PPIP5K2: variants seen among roughly 807,000 people sequenced by gnomAD.
PPIP5K2 encodes the protein diphosphoinositol pentakisphosphate kinase 2.
Under a neutral mutation model 154.6 loss-of-function variants are expected in PPIP5K2, and 105 were observed. The observed-to-expected ratio is 0.68, with a 90% confidence interval of 0.58 to 0.80. The LOEUF (loss-of-function observed/expected upper bound fraction) is 0.80, where lower values mean the gene tolerates loss of function less well. Ranked by LOEUF, PPIP5K2 falls within the 30% of genes least tolerant of loss-of-function variation. PPIP5K2 has a pLI of 0.00. For synonymous variants in PPIP5K2, 480 were observed against 490.3 expected, an observed-to-expected ratio of 0.98 and a Z score of 0.28; for missense variants, 992 against 1,504.6, an observed-to-expected ratio of 0.66 and a Z score of 5.64.
At chr5:103,144,173 C>A (rs1793342779) in intron 5 of PPIP5K2, among the ~76,000 whole-genome samples, 4 of 151,604 alleles carry the variant, frequency 2.6e-5, no homozygotes. Context: ...AAAAAGTAAT[C>A]CCATTTACAA....
chr5:103,186,162 C>A (rs540685700), intron 26 of PPIP5K2, among the ~76,000 whole-genome samples, 158 bp from the exon 27 acceptor site: 1 of 152,140 alleles, frequency 6.6e-6, no homozygotes, highest in South Asian at 2.1e-4. Context: ...TTAAAACTGA[C>A]CTCATTAGGA....
At chr5:103,124,319 TC>T (rs1789282145) in intron 1 of PPIP5K2, among the ~76,000 whole-genome samples, 1 of 151,942 alleles carries the variant, frequency 6.6e-6, no homozygotes, top group Non-Finnish European at 1.5e-5. Context: ...ACGACATATA[TC>T]CTACTTAGGT....
intron 30 of PPIP5K2, among the ~76,000 whole-genome samples, chr5:103,199,310 A>G (rs181134656): frequency 1.3e-5 from 2 of 152,034 alleles, no homozygotes; most frequent in East Asian, 1.9e-4. Flanking sequence ...GTTTTTTAGC[A>G]TTTCTTAATC....
At chr5:103,146,500 T>A in intron 5 of PPIP5K2, 27 bp from the exon 6 acceptor site, 1 of 1,599,230 alleles carries the variant, frequency 6.3e-7, no homozygotes, top group Non-Finnish European at 8.5e-7. Context: ...ATATGTGATA[T>A]TTCTTGCAAT....
intron 17 of PPIP5K2, among the ~76,000 whole-genome samples, chr5:103,163,822 A>T (rs545235519): frequency 3.8e-4 from 58 of 152,004 alleles, no homozygotes; most frequent in African/African-American, 1.3e-3. Context: ...TCCATGTATG[A>T]TCTTTTTCTT....
At chr5:103,128,048 A>G (rs1554201339) in intron 1 of PPIP5K2, among the ~76,000 whole-genome samples, 1 of 152,168 alleles carries the variant, frequency 6.6e-6, no homozygotes, top group Non-Finnish European at 1.5e-5. Flanking sequence ...TTTTTAAATT[A>G]CAAATTATTT....
At position 103,129,473 on chromosome 5, in the gene PPIP5K2, C is replaced by T. The variant is rs1463562285; in HGVS notation, c.-117C>T. ...AAGTGATTGTATAAGCAGAAACAAG[C>T]TGTCACAGACCTGTGCGTCAGCTAA... On this transcript the variant is annotated 5_prime_UTR_variant, in exon 2 of 31. Transcript: ENST00000358359. 4.2e-6 allele frequency: 3 copies of T among 706,196 alleles called. No individual in the cohort carries two copies. Among genetic ancestry groups the T allele is most frequent in the South Asian group, 2.8e-5 (1 of 35,346 alleles). The allele number at this position is 706,196 out of a possible 1,614,324, so 43.7% of individuals were successfully genotyped here. A position where few individuals can be genotyped will look rare whatever the true frequency, so the allele number is the denominator to read the frequency against.
intron 24 of PPIP5K2, among the ~76,000 whole-genome samples, chr5:103,182,250 ATGTAT>A (rs782743765): frequency 3.9e-5 from 6 of 152,252 alleles, no homozygotes; most frequent in Admixed American, 1.3e-4. Context: ...ATACAGCAAA[ATGTAT>A]TGTAAGTCTT....
At position 103,211,756 on chromosome 5, in the gene PPIP5K2, T is replaced by A. The variant is rs897718621; in HGVS notation, c.*10122T>A. On this transcript the variant is annotated 3_prime_UTR_variant, in exon 31 of 31. Coordinates refer to ENST00000358359, the MANE Select transcript of PPIP5K2 (RefSeq NM_001276277.3). ...ACACTAAGCCCTGATGATACAAATA[T>A]GAAAAGTCCTGTTTCCAGGGAATTT... 5 of 152,062 alleles carry A rather than the reference T, an allele frequency of 3.3e-5. No individual in the cohort carries two copies. Among genetic ancestry groups the A allele is most frequent in the Admixed American group, 1.3e-4 (2 of 15,266 alleles). 9.4% of individuals were successfully genotyped at this position (152,062 alleles called of 1,614,324 possible).
rs1554230878 is a variant in PPIP5K2, at chr5:103,202,303, T to C, written c.*669T>C. On this transcript the variant is annotated 3_prime_UTR_variant, in exon 31 of 31. Coordinates refer to ENST00000358359, the MANE Select transcript of PPIP5K2 (RefSeq NM_001276277.3). ...ATTAATTTGTAGAAAATATTTTCTT[T>C]ATATATTTCCTTACCATACAAGGTG... is the stretch of plus-strand genomic sequence containing the variant. 6.6e-6 allele frequency: 1 copy of C among 152,576 alleles called. No individual in the cohort carries two copies. The highest frequency in any genetic ancestry group is 2.4e-5 in the African/African-American group (1 of 41,460). The allele number at this position is 152,576 out of a possible 1,614,324, so 9.5% of individuals were successfully genotyped here.
chr5:103,166,406 G>A (rs185053451), intron 17 of PPIP5K2, among the ~76,000 whole-genome samples: 7 of 151,958 alleles, frequency 4.6e-5, no homozygotes, highest in East Asian at 1.9e-4. Flanking sequence ...CTACCTTGTC[G>A]TCCTGATGTG....
At chr5:103,122,034 AGAGTTG>A (rs1460482125) in intron 1 of PPIP5K2, among the ~76,000 whole-genome samples, 4 of 152,226 alleles carry the variant, frequency 2.6e-5, no homozygotes, top group Non-Finnish European at 4.4e-5. Context: ...TAACGTACTT[AGAGTTG>A]AAGTGTGTTG....
At chr5:103,180,262 C>A in intron 24 of PPIP5K2, 74 bp downstream of exon 24, 1 of 1,281,142 alleles carries the variant, frequency 7.8e-7, no homozygotes, top group Non-Finnish European at 1.0e-6. Context: ...AAAGAAAATA[C>A]AGCTTTAATT....
At chr5:103,197,489 A>G (rs782720025) in intron 30 of PPIP5K2, among the ~76,000 whole-genome samples, 1 of 144,018 alleles carries the variant, frequency 6.9e-6, no homozygotes, top group Non-Finnish European at 1.5e-5. Context: ...CTCACTAGGG[A>G]TTTATCAATT....
In PPIP5K2 at chr5:103,173,209, C is replaced by T; in HGVS notation, c.2341C>T (p.Pro781Ser). The T allele has an allele frequency of 6.2e-7, 1 of 1,611,628 alleles. No homozygotes were observed. Among genetic ancestry groups the T allele is most frequent in the Non-Finnish European group, 8.5e-7 (1 of 1,178,424 alleles). The change falls in exon 20 of 31, where the codon CCT becomes TCT. Residue 781 changes from proline (P) to serine (S), a missense_variant. By Grantham distance (74) the Pro-to-Ser change is moderately conservative. Transcript: ENST00000358359. ...GGAGATTGCCAAAGGCTACTGTACT[C>T]CTCTGGTTAGAAAAATTCGCTCAGA... ...KLEIAKGYCT[P>S]LVRKIRSDLQ...
chr5:103,187,271 G>T (rs782150857), intron 27 of PPIP5K2, 43 bp from the exon 28 acceptor site: 98 of 1,429,136 alleles, frequency 6.9e-5, no homozygotes, highest in Non-Finnish European at 8.4e-5. Context: ...TGTTCTTTTT[G>T]TAGCTGTTAC....
At chr5:103,125,880 G>C (rs757285372) in intron 1 of PPIP5K2, among the ~76,000 whole-genome samples, 22 of 152,146 alleles carry the variant, frequency 1.4e-4, no homozygotes, top group Non-Finnish European at 3.1e-4. Context: ...TGATCCGCCT[G>C]CCTCAGCTTC....
chr5:103,125,010 G>T (rs1554200229), intron 1 of PPIP5K2, among the ~76,000 whole-genome samples: 1 of 152,212 alleles, frequency 6.6e-6, no homozygotes, highest in Non-Finnish European at 1.5e-5. Flanking sequence ...CTTGTAAATT[G>T]TTAAGGCAAG....
chr5:103,188,435 CAT>C (rs1176308427), intron 28 of PPIP5K2, among the ~76,000 whole-genome samples: 1 of 152,112 alleles, frequency 6.6e-6, no homozygotes, highest in African/African-American at 2.4e-5. Context: ...TTTAACAACA[CAT>C]CTAAATAACA....
Sources: gnomAD v4.1 joint callset for allele counts (sites outside exome capture counted in the v4.1 genomes callset) on GRCh38, gnomAD v4.1.1 for gene constraint, MANE v1.5 for transcripts, NCBI Gene and HGNC (gene_info 2026-07-23, HGNC 2026-07-21) for gene names.